Variants in ALKBH4 observed in about 807,000 individuals in gnomAD.
The protein encoded by ALKBH4 is alpha-ketoglutarate-dependent dioxygenase alkB homolog 4.
ALKBH4 carries 8 observed loss-of-function variants against 12.1 expected under a neutral mutation model. That is an observed-to-expected ratio of 0.66 (90% CI 0.39 to 1.19). The LOEUF (loss-of-function observed/expected upper bound fraction) is 1.19, where lower values mean the gene tolerates loss of function less well. ALKBH4 is among the 50% of genes most tolerant of loss of function. The pLI is 0.01. For synonymous variants in ALKBH4, 195 were observed against 191.6 expected (o/e 1.02, Z -0.15); for missense variants, 403 against 430.4 (o/e 0.94, Z 0.56).
rs1348429625 is a variant in ALKBH4 at position 102,456,714 on chromosome 7, C to T, written c.*680G>A. ...CAGCTCTTTAGTCTAAACTTCAAATCTTCAACCCTGTTCCCTAATCCAACA... is the reference window on the plus strand; with the variant it reads ...CAGCTCTTTAGTCTAAACTTCAAATTTTCAACCCTGTTCCCTAATCCAACA... On this transcript the variant is annotated 3_prime_UTR_variant, in exon 3 of 3. Coordinates refer to ENST00000292566, the MANE Select transcript of ALKBH4 (RefSeq NM_017621.4). 2 of 152,228 alleles carry T rather than the reference C, an allele frequency of 1.3e-5. No individual in the cohort carries two copies. Among genetic ancestry groups the T allele is most frequent in the African/African-American group, 4.8e-5 (2 of 41,450 alleles). The allele number at this position is 152,228 out of a possible 1,614,324, so 9.4% of individuals were successfully genotyped here.
In ALKBH4 at chr7:102,464,862, A is replaced by T; in HGVS notation, c.-26T>A. ...CGCGCCGTCCGCGTGGCCAGTGCGC[A>T]GGCGCGGCCGTGGGGGCCGCTGGGA... On this transcript the variant is annotated 5_prime_UTR_variant, in exon 1 of 3. Coordinates refer to ENST00000292566, the MANE Select transcript of ALKBH4 (RefSeq NM_017621.4). The T allele has an allele frequency of 6.9e-7, 1 of 1,453,952 alleles. No individual in the cohort carries two copies. The highest frequency in any genetic ancestry group is 1.4e-5 in the South Asian group (1 of 73,196). 90.1% of individuals were successfully genotyped at this position (1,453,952 alleles called of 1,614,324 possible).
chr7:102,458,384 A>G (rs1028875032), intron 2 of ALKBH4, among the ~76,000 whole-genome samples: 9 of 152,296 alleles, frequency 5.9e-5, no homozygotes, highest in Non-Finnish European at 1.3e-4. Flanking sequence ...AGCCTGGGCA[A>G]CACAGCAAAA....
Position 102,456,456 on chromosome 7 carries a change from G to C in ALKBH4, c.*938C>G, listed in dbSNP as rs968874612. On this transcript the variant is annotated 3_prime_UTR_variant, in exon 3 of 3. Transcript: ENST00000292566. ...TTTGTAGAGATGGGGGTCTCACTAT[G>C]TTGCCCAGGCTGGCCTCAAGCAATC... 6.6e-6 allele frequency: 1 copy of C among 152,176 alleles called. No individual in the cohort carries two copies. The allele number at this position is 152,176 out of a possible 1,614,324, so 9.4% of individuals were successfully genotyped here. A position where few individuals can be genotyped will look rare whatever the true frequency, so the allele number is the denominator to read the frequency against.
intron 1 of ALKBH4, among the ~76,000 whole-genome samples, chr7:102,462,780 T>C (rs1167639530): frequency 6.6e-6 from 1 of 152,026 alleles, no homozygotes; most frequent in Non-Finnish European, 1.5e-5. Context: ...AAACAACAGG[T>C]CCCCATCTCC....
At chr7:102,459,847 C>A in intron 1 of ALKBH4, 46 bp from the exon 2 acceptor site, 1 of 1,521,828 alleles carries the variant, frequency 6.6e-7, no homozygotes, top group Non-Finnish European at 8.8e-7. Flanking sequence ...ACAGCGAGAC[C>A]CGGTCCCTAC....
At chr7:102,460,234 A>G (rs1563649465) in intron 1 of ALKBH4, among the ~76,000 whole-genome samples, 1 of 149,096 alleles carries the variant, frequency 6.7e-6, no homozygotes, top group Non-Finnish European at 1.5e-5. Context: ...CTGAGGCGGG[A>G]GGATCATTTG....
At position 102,459,666 on chromosome 7, in the gene ALKBH4, C is replaced by T. The variant is rs780522763; in HGVS notation, c.259G>A (p.Glu87Lys). The change falls in exon 2 of 3, where the codon GAG (glutamate) becomes AAG (lysine). Residue 87 changes from glutamate (E) to lysine (K), a missense_variant. Coordinates refer to ENST00000292566, the MANE Select transcript of ALKBH4 (RefSeq NM_017621.4). ...TCACGGTCCATGAGCCGCACCAACT[C>T]GGCTTCTTCCTCCCGGGTCACAAAG... ...EDFVTREEEA[E>K]LVRLMDRDPW... is the part of the protein sequence containing the mutation. 49 of 1,614,080 alleles carry T rather than the reference C, an allele frequency of 3.0e-5. No individual in the cohort carries two copies. The highest frequency in any genetic ancestry group is 3.6e-5 in the Non-Finnish European group (42 of 1,180,030).
intron 1 of ALKBH4, among the ~76,000 whole-genome samples, chr7:102,460,025 G>T (rs1395303841): frequency 6.6e-6 from 1 of 151,950 alleles, no homozygotes; most frequent in Non-Finnish European, 1.5e-5. Flanking sequence ...ATGGTGGCAG[G>T]TGCCTGTAAT....
chr7:102,458,794 C>T (rs77098361), intron 2 of ALKBH4, among the ~76,000 whole-genome samples: 15,324 of 148,508 alleles, frequency 0.1, 1,385 homozygotes, highest in East Asian at 0.44. Flanking sequence ...GTGACAACAA[C>T]GCCAATGTCC....
chr7:102,462,390 G>T (rs1306487579), intron 1 of ALKBH4, among the ~76,000 whole-genome samples: 1 of 151,808 alleles, frequency 6.6e-6, no homozygotes, highest in African/African-American at 2.4e-5. Context: ...TTTTGTTTGA[G>T]GCAGGGTCTC....
Position 102,457,601 on chromosome 7 carries a change from G to A in ALKBH4, c.702C>T (p.Ile234=). The A allele has an allele frequency of 6.2e-7, 1 of 1,602,344 alleles. No individual in the cohort carries two copies. Among genetic ancestry groups the A allele is most frequent in the Non-Finnish European group, 8.5e-7 (1 of 1,178,520 alleles). The change falls in exon 3 of 3, where the codon ATC becomes ATT. Residue 234 remains isoleucine, a synonymous_variant. Transcript: ENST00000292566. This position sits in a 1 kb window ranked among gnomAD's most constrained non-coding sequence, Gnocchi z 5.9. ...CCAGCAGGGAGCGGGCGGGTAAGGGGATGGCCACCTCCACCTCCTGGCATA... is the reference window on the plus strand; with the variant it reads ...CCAGCAGGGAGCGGGCGGGTAAGGGAATGGCCACCTCCACCTCCTGGCATA... ...SVLCQEVEVA[I]PLPARSLLVL...
Position 102,457,292 on chromosome 7 carries a change from G to A in ALKBH4, c.*102C>T. 2.2e-6 allele frequency: 3 copies of A among 1,338,964 alleles called. No individual in the cohort carries two copies. The South Asian group carries it at 4.0e-5, about 18-fold the overall frequency. 82.9% of individuals were successfully genotyped at this position (1,338,964 alleles called of 1,614,324 possible). On this transcript the variant is annotated 3_prime_UTR_variant, in exon 3 of 3. Coordinates refer to ENST00000292566, the MANE Select transcript of ALKBH4 (RefSeq NM_017621.4). The surrounding 1 kb of genome is among the most constrained non-coding windows in gnomAD (Gnocchi z 5.9). The stretch of plus-strand genomic sequence containing the variant: ...GCTCACACTGCTCACAGCATCAGGG[G>A]TCAGCCATCTTCTCTTGAAACCCCG...
intron 2 of ALKBH4, 119 bp from the exon 3 acceptor site, chr7:102,458,100 T>TCCATGAAGCCAG: frequency 9.9e-7 from 1 of 1,010,502 alleles, no homozygotes; most frequent in Non-Finnish European, 1.4e-6. Flanking sequence ...CCTGGCTTCA[T>TCCATGAAGCCAG]GGAGGTGAAG....
Position 102,464,809 on chromosome 7 carries a change from CG to C in ALKBH4, c.27del (p.Glu10LysfsTer15), listed in dbSNP as rs762941722. On this transcript the variant is annotated frameshift_variant, in exon 1 of 3. Coordinates refer to ENST00000292566, the MANE Select transcript of ALKBH4 (RefSeq NM_017621.4). LOFTEE classifies it high-confidence loss of function. Reference sequence around the variant, plus strand: ...TTGCAACCGCATTCCCGAAGGACTTCGGGGGTCTCGGCGGCAGCCGCCGCCA... The same window carrying C: ...TTGCAACCGCATTCCCGAAGGACTTCGGGGTCTCGGCGGCAGCCGCCGCCA... The part of the protein sequence containing the change: MAAAAAET[P>X]EVLRECGCKG... 1.3e-6 allele frequency: 2 copies of C among 1,546,922 alleles called. No homozygotes were observed. Among genetic ancestry groups the C allele is most frequent in the South Asian group, 1.2e-5 (1 of 84,470 alleles).
chr7:102,463,008 A>C (rs902624456), intron 1 of ALKBH4, among the ~76,000 whole-genome samples: 8 of 132,304 alleles, frequency 6.0e-5, no homozygotes, highest in African/African-American at 2.4e-4. Flanking sequence ...CCCAAGCTGG[A>C]GTGCAGTGGC....
chr7:102,464,645 C>T, intron 1 of ALKBH4, 69 bp downstream of exon 1: 1 of 1,455,132 alleles, frequency 6.9e-7, no homozygotes, highest in East Asian at 2.7e-5. Context: ...CTATCATGGC[C>T]AAGCTGGACC....
At chr7:102,459,348 C>G (rs1049946439) in intron 2 of ALKBH4, 4 of 395,810 alleles carry the variant, frequency 1.0e-5, no homozygotes, top group Non-Finnish European at 1.8e-5. Context: ...TTCACCACCA[C>G]CAAGCCAGCT....
intron 1 of ALKBH4, among the ~76,000 whole-genome samples, chr7:102,464,047 CCA>C (rs2133257737): frequency 6.6e-6 from 1 of 152,156 alleles, no homozygotes; most frequent in African/African-American, 2.4e-5. Flanking sequence ...CTCCCCCCCC[CCA>C]CAACCTCTCC....
At chr7:102,458,736 CAAAA>C (rs34418710) in intron 2 of ALKBH4, among the ~76,000 whole-genome samples, 2 of 129,204 alleles carry the variant, frequency 1.5e-5, no homozygotes, top group Non-Finnish European at 3.3e-5. Flanking sequence ...GACCCTGTCT[CAAAA>C]AAAAAAAAAA....
Sources: gnomAD v4.1 joint callset for allele counts (sites outside exome capture counted in the v4.1 genomes callset) on GRCh38, gnomAD v4.1.1 for gene constraint, Gnocchi (gnomAD v3.1) non-coding constraint, MANE v1.5 for transcripts, NCBI Gene and HGNC (gene_info 2026-07-23, HGNC 2026-07-21) for gene names.